CERT1: variants seen among roughly 807,000 people sequenced by gnomAD.
The protein encoded by CERT1 is ceramide transporter 1, also known as ceramide transfer protein.
Under a neutral mutation model 87.9 loss-of-function variants are expected in CERT1, and 31 were observed. That is an observed-to-expected ratio of 0.35 (90% confidence interval 0.27 to 0.48). CERT1 has a LOEUF of 0.48. CERT1 is among the 20% of genes least tolerant of loss of function. CERT1 has a pLI of 0.99. For synonymous variants in CERT1, 289 were observed against 250.9 expected (o/e 1.15, Z -1.44); for missense variants, 487 against 758.0 (o/e 0.64, Z 4.20).
At chr5:75,455,298 T>C (rs1764933794) in intron 3 of CERT1, among the ~76,000 whole-genome samples, 3 of 152,216 alleles carry the variant, frequency 2.0e-5, no homozygotes, top group Non-Finnish European at 4.4e-5. Flanking sequence ...TCAAGCATCT[T>C]GACAACTTTT....
At chr5:75,415,356 C>A (rs947292931) in intron 7 of CERT1, among the ~76,000 whole-genome samples, 1 of 152,152 alleles carries the variant, frequency 6.6e-6, no homozygotes. Flanking sequence ...TCTTTTCTGG[C>A]TGTTCTTTGG....
chr5:75,408,999 G>A (rs1762823498), intron 8 of CERT1, among the ~76,000 whole-genome samples: 1 of 151,808 alleles, frequency 6.6e-6, no homozygotes, highest in Admixed American at 6.6e-5. Context: ...CTTACATACT[G>A]CTGGTAGATG....
chr5:75,491,452 G>T (rs564496203), intron 2 of CERT1, among the ~76,000 whole-genome samples: 1 of 152,094 alleles, frequency 6.6e-6, no homozygotes, highest in East Asian at 1.9e-4. Flanking sequence ...CTTATACTTT[G>T]AAATCCTTTT....
At position 75,395,555 on chromosome 5, in the gene CERT1, C is replaced by G. The variant is rs1030712926; in HGVS notation, c.1188+3755G>C. Among the ~76,000 whole-genome samples the G allele has an allele frequency of 2.3e-4, 11 of 48,008 alleles. No homozygotes were observed. In the East Asian group the frequency reaches 6.8e-3, roughly 30 times the overall value. 31.5% of individuals were successfully genotyped at this position (48,008 alleles called of 152,430 possible). ...GGACAAGTGAAACCTTGTCTCTTTA[C>G]AAAAAAAAAAAAAAAAAAAAAAAAT... On this transcript the variant is annotated intron_variant, in intron 11 of 16. Transcript: ENST00000643780.
intron 2 of CERT1, among the ~76,000 whole-genome samples, chr5:75,494,041 T>G (rs1374936097): frequency 6.6e-6 from 1 of 152,182 alleles, no homozygotes; most frequent in African/African-American, 2.4e-5. Flanking sequence ...CTGACAAATT[T>G]CCTTCTTTTT....
At chr5:75,434,186 GTTTTTTTTTTT>G (rs370209071) in intron 3 of CERT1, among the ~76,000 whole-genome samples, 2 of 126,772 alleles carry the variant, frequency 1.6e-5, no homozygotes, top group African/African-American at 2.9e-5. Flanking sequence ...GTTTGTTGAG[GTTTTTTTTTTT>G]TTTTTTTTAT....
In CERT1 at chr5:75,399,791, C is replaced by T. The variant is rs533155811; in HGVS notation, c.1111-404G>A. On this transcript the variant is annotated intron_variant, in intron 10 of 16. Coordinates refer to ENST00000643780, the MANE Select transcript of CERT1 (RefSeq NM_001379029.1). ...GTATATGGAATACAATATATAAAACCAAAAACAGTCTCATTACTTAAATTA... is the reference window on the plus strand; with the variant it reads ...GTATATGGAATACAATATATAAAACTAAAAACAGTCTCATTACTTAAATTA... 3.3e-5 allele frequency among the ~76,000 whole-genome samples: 5 copies of T among 152,018 alleles called. No homozygotes were observed. The East Asian group carries it at 9.7e-4, about 29-fold the overall frequency.
intron 11 of CERT1, among the ~76,000 whole-genome samples, chr5:75,393,212 T>C (rs1414595141): frequency 1.3e-5 from 2 of 151,874 alleles, no homozygotes; most frequent in African/African-American, 4.8e-5. Context: ...TTAGGCTAAG[T>C]GTAATTTCAG....
chr5:75,459,584 C>G (rs1308781281), intron 2 of CERT1, among the ~76,000 whole-genome samples: 1 of 152,142 alleles, frequency 6.6e-6, no homozygotes, highest in Non-Finnish European at 1.5e-5. Context: ...GCCTTGAACT[C>G]CTGGGTTCAG....
At position 75,439,233 on chromosome 5, in the gene CERT1, C is replaced by T. The variant is rs538411850; in HGVS notation, c.349-12755G>A. ...AAAAAAAAAAAGCCAAAAAACCTCT[C>T]TTAAAGTTGCAGCTAAATTTGGTAG... On this transcript the variant is annotated intron_variant, in intron 3 of 16. Transcript: ENST00000643780. Among the ~76,000 whole-genome samples, 4 of 151,686 alleles carry T rather than the reference C, an allele frequency of 2.6e-5. No individual in the cohort carries two copies. In the East Asian group the frequency reaches 5.8e-4, roughly 22 times the overall value.
chr5:75,419,223 G>A (rs1020820538), intron 6 of CERT1, 118 bp downstream of exon 6: 1 of 581,632 alleles, frequency 1.7e-6, no homozygotes. Context: ...ATTTTCACTT[G>A]GATTCCACCA....
At chr5:75,501,540 T>C (rs1436352584) in intron 2 of CERT1, among the ~76,000 whole-genome samples, 3 of 152,236 alleles carry the variant, frequency 2.0e-5, no homozygotes, top group Non-Finnish European at 4.4e-5. Context: ...GTTTTAACTT[T>C]AGTAACTGCA....
At chr5:75,495,616 C>G (rs1271724363) in intron 2 of CERT1, among the ~76,000 whole-genome samples, 1 of 151,812 alleles carries the variant, frequency 6.6e-6, no homozygotes, top group African/African-American at 2.4e-5. Context: ...AAAGGAAGCT[C>G]AACAGGAATA....
chr5:75,449,650 T>A (rs1298998360), intron 3 of CERT1, among the ~76,000 whole-genome samples: 1 of 152,022 alleles, frequency 6.6e-6, no homozygotes, highest in Non-Finnish European at 1.5e-5. Flanking sequence ...ATAACTTACA[T>A]CAGCAATGTA....
At chr5:75,392,033 T>C (rs763043527) in intron 11 of CERT1, among the ~76,000 whole-genome samples, 1 of 152,236 alleles carries the variant, frequency 6.6e-6, no homozygotes, top group Non-Finnish European at 1.5e-5. Flanking sequence ...CAGGTAGTTG[T>C]GTTTCTGTTT....
intron 3 of CERT1, among the ~76,000 whole-genome samples, chr5:75,458,825 C>T (rs1480467990): frequency 6.6e-6 from 1 of 152,232 alleles, no homozygotes; most frequent in Admixed American, 6.5e-5. Flanking sequence ...GCTGGGAATA[C>T]AGGCGTGAGC....
At chr5:75,396,913 G>A (rs1762281894) in intron 11 of CERT1, among the ~76,000 whole-genome samples, 1 of 152,058 alleles carries the variant, frequency 6.6e-6, no homozygotes, top group Admixed American at 6.6e-5. Flanking sequence ...ACACTGTGTT[G>A]AACTGGAAGA....
chr5:75,483,671 CATT>C (rs763044191), intron 2 of CERT1, among the ~76,000 whole-genome samples: 9 of 151,950 alleles, frequency 5.9e-5, no homozygotes, highest in Non-Finnish European at 1.0e-4. Flanking sequence ...TCAGTAGAAA[CATT>C]ATAGAACATG....
chr5:75,375,957 C>G (rs1580683742), downstream of CERT1: 1 of 151,962 alleles, frequency 6.6e-6, no homozygotes, highest in Admixed American at 6.6e-5. Context: ...AAAGCCAAAT[C>G]TGAGTTTGGG....
Sources: allele counts gnomAD v4.1 joint callset (sites outside exome capture counted in the v4.1 genomes callset), GRCh38; gene constraint gnomAD v4.1.1; transcripts MANE v1.5; gene names NCBI Gene and HGNC (gene_info 2026-07-23, HGNC 2026-07-21).